TGFBI: variants seen among roughly 807,000 people sequenced by gnomAD.
The protein encoded by TGFBI is transforming growth factor-beta-induced protein ig-h3.
Under a neutral mutation model 73.7 loss-of-function variants are expected in TGFBI, and 50 were observed. That is an observed-to-expected ratio of 0.68 (90% confidence interval 0.54 to 0.86). TGFBI has a LOEUF of 0.86. Among genes scored for constraint, TGFBI ranks in the 40% least tolerant of loss-of-function variants. The pLI is 0.00. For synonymous variants in TGFBI, 362 were observed against 360.5 expected, an observed-to-expected ratio of 1.00 and a Z score of -0.05; for missense variants, 839 against 877.0, an observed-to-expected ratio of 0.96 and a Z score of 0.55.
intron 8 of TGFBI, 56 bp from the exon 9 acceptor site, chr5:136,053,887 A>G (rs1751580987): frequency 6.2e-7 from 1 of 1,605,556 alleles, no homozygotes; most frequent in Non-Finnish European, 8.5e-7. Flanking sequence ...GGGTGGATGA[A>G]TGATAAATGA....
intron 9 of TGFBI, 102 bp downstream of exon 9, chr5:136,054,182 T>G: frequency 1.4e-6 from 2 of 1,466,238 alleles, no homozygotes; most frequent in Non-Finnish European, 1.8e-6. Flanking sequence ...CCATGGGACA[T>G]TAGAACTTCC....
intron 7 of TGFBI, among the ~76,000 whole-genome samples, chr5:136,049,965 G>C (rs1440710155): frequency 6.6e-6 from 1 of 152,218 alleles, no homozygotes; most frequent in African/African-American, 2.4e-5. Context: ...CCTTGAAATG[G>C]ATTCCTCATG....
At position 136,054,090 on chromosome 5, in the gene TGFBI, G is replaced by A. The variant is rs761012840; in HGVS notation, c.1264+10G>A. The A allele has an allele frequency of 1.2e-6, 2 of 1,610,794 alleles. No homozygotes were observed. The highest frequency in any genetic ancestry group is 2.2e-5 in the East Asian group (1 of 44,778). Reference sequence around the variant, plus strand: ...AATTCTGTATTCAAAGGTAACATGGGGAAGGCATCCCTGTTAGATTGTCCC... The same window carrying A: ...AATTCTGTATTCAAAGGTAACATGGAGAAGGCATCCCTGTTAGATTGTCCC... On this transcript the variant is annotated intron_variant, in intron 9 of 16. Transcript: ENST00000442011.
At chr5:136,039,112 A>G (rs1016928961) in intron 2 of TGFBI, among the ~76,000 whole-genome samples, 1 of 152,240 alleles carries the variant, frequency 6.6e-6, no homozygotes, top group African/African-American at 2.4e-5. Flanking sequence ...AGATATTAAC[A>G]TAGTTTCAAC....
chr5:136,054,747 G>A lies in TGFBI; in HGVS notation c.1296G>A (p.Arg432=), dbSNP rs1561613349. The A allele has an allele frequency of 6.2e-7, 1 of 1,613,808 alleles. No homozygotes were observed. The highest frequency in any genetic ancestry group is 1.1e-5 in the South Asian group (1 of 91,082). ...DGTPPIDAHT[R]NLLRNHIIKD... ...CCCCTCCAATTGATGCCCATACAAG[G>A]AATTTGCTTCGGAACCACATAATTA... Residue 432 remains arginine, a synonymous_variant, in exon 10 of 17, where the codon AGG becomes AGA. Transcript: ENST00000442011.
chr5:136,031,816 C>T (rs1217076586), intron 1 of TGFBI, among the ~76,000 whole-genome samples: 2 of 152,136 alleles, frequency 1.3e-5, no homozygotes, highest in African/African-American at 4.8e-5. Flanking sequence ...CATGAACTTC[C>T]TATGTACACA....
rs1751747445 is a variant in TGFBI, at chr5:136,061,529, C to G, written c.1936C>G (p.Leu646Val). 1 of 1,611,180 alleles carries G rather than the reference C, an allele frequency of 6.2e-7. No individual in the cohort carries two copies. Among genetic ancestry groups the G allele is most frequent in the Non-Finnish European group, 8.5e-7 (1 of 1,178,770 alleles). Residue 646 changes from leucine (L) to valine (V), a missense_variant, in exon 15 of 17, where the codon CTT (leucine) becomes GTT (valine). Physicochemically the swap from Leu to Val is conservative, Grantham distance 32 (BLOSUM62 1). Transcript: ENST00000442011. ...CAGACCTCAGGAAAGAGGGGATGAACTTGCAGACTCTGCGCTTGAGATCTT... is the reference window on the plus strand; with the variant it reads ...CAGACCTCAGGAAAGAGGGGATGAAGTTGCAGACTCTGCGCTTGAGATCTT... The part of the protein sequence containing the change: ...ANRPQERGDE[L>V]ADSALEIFKQ...
rs866902307 is a variant in TGFBI at position 136,033,934 on chromosome 5, C to G, written c.233+73C>G. Reference sequence around the variant, plus strand: ...TGCAGTTCCCCAGGGCCTGGGCCAGCCTTCTAGAAGGTCAGGTTGCCTAAA... The same window carrying G: ...TGCAGTTCCCCAGGGCCTGGGCCAGGCTTCTAGAAGGTCAGGTTGCCTAAA... On this transcript the variant is annotated intron_variant, in intron 2 of 16. Transcript: ENST00000442011. 76 of 1,300,720 alleles carry G rather than the reference C, an allele frequency of 5.8e-5. No individual in the cohort carries two copies. In the Middle Eastern group the frequency reaches 1.1e-3, roughly 19 times the overall value. The allele number at this position is 1,300,720 out of a possible 1,614,324, so 80.6% of individuals were successfully genotyped here.
intron 2 of TGFBI, among the ~76,000 whole-genome samples, chr5:136,037,469 G>A (rs1751248333): frequency 6.6e-6 from 1 of 152,148 alleles, no homozygotes; most frequent in Non-Finnish European, 1.5e-5. Flanking sequence ...GGCTTCCTTT[G>A]TGCTAGCCCC....
intron 7 of TGFBI, among the ~76,000 whole-genome samples, chr5:136,050,318 C>A (rs377232562): frequency 6.4e-5 from 9 of 140,150 alleles, no homozygotes; most frequent in Non-Finnish European, 1.4e-4. Flanking sequence ...GGTGACACAG[C>A]GACACTCCGT....
chr5:136,038,378 T>C (rs937112706), intron 2 of TGFBI, among the ~76,000 whole-genome samples: 1 of 152,192 alleles, frequency 6.6e-6, no homozygotes, highest in Non-Finnish European at 1.5e-5. Context: ...GGAGAGATTA[T>C]CCAGGATTAT....
intron 7 of TGFBI, among the ~76,000 whole-genome samples, chr5:136,050,269 T>A (rs1393087005): frequency 6.6e-6 from 1 of 150,578 alleles, no homozygotes; most frequent in Admixed American, 6.6e-5. Flanking sequence ...GAGGTGGAGG[T>A]TGCAGTGAGC....
At chr5:136,049,941 G>A in intron 7 of TGFBI, 1 of 183,460 alleles carries the variant, frequency 5.5e-6, no homozygotes. Flanking sequence ...TGTGGGGGTG[G>A]CAGATACTGG....
At position 136,061,657 on chromosome 5, in the gene TGFBI, C is replaced by G. The variant is rs554126008; in HGVS notation, c.1986+78C>G. The G allele has an allele frequency of 1.7e-5, 21 of 1,213,976 alleles. No homozygotes were observed. The African/African-American group carries it at 2.4e-4, about 14-fold the overall frequency. The allele number at this position is 1,213,976 out of a possible 1,614,324, so 75.2% of individuals were successfully genotyped here. ...TTGGGCCATAGAGGAGCCTCTCCAGCCCCTGTCTTCCTTGGCTGCTCCCCA... is the reference window on the plus strand; with the variant it reads ...TTGGGCCATAGAGGAGCCTCTCCAGGCCCTGTCTTCCTTGGCTGCTCCCCA... On this transcript the variant is annotated intron_variant, in intron 15 of 16. Transcript: ENST00000442011.
chr5:136,049,087 G>C (rs1751486240), intron 6 of TGFBI: 1 of 225,298 alleles, frequency 4.4e-6, no homozygotes, highest in Admixed American at 5.0e-5. Flanking sequence ...GGGGTGGGAA[G>C]TGTGCCAAGT....
Position 136,054,704 on chromosome 5 carries a change from C to T in TGFBI, c.1265-12C>T. On this transcript the variant is annotated splice_polypyrimidine_tract_variant and intron_variant, in intron 9 of 16. Transcript: ENST00000442011. ...ACATCTCTCTGGACCTAACCATCAC[C>T]CTTTCTTGTAGATGGAACCCCTCCA... 1 of 1,613,942 alleles carries T rather than the reference C, an allele frequency of 6.2e-7. No homozygotes were observed. Among genetic ancestry groups the T allele is most frequent in the South Asian group, 1.1e-5 (1 of 91,080 alleles).
chr5:136,052,176 C>A (rs1247101795), intron 7 of TGFBI, among the ~76,000 whole-genome samples: 1 of 152,216 alleles, frequency 6.6e-6, no homozygotes, highest in Non-Finnish European at 1.5e-5. Flanking sequence ...GGGTCAGGAG[C>A]CCCCTTTGGG....
intron 6 of TGFBI, 60 bp from the exon 7 acceptor site, chr5:136,049,379 A>C (rs1353148090): frequency 3.8e-6 from 6 of 1,585,770 alleles, no homozygotes; most frequent in Non-Finnish European, 5.2e-6. Flanking sequence ...CTGTGTGTGC[A>C]TCTTCTGTGG....
At chr5:136,050,108 G>A (rs1366502212) in intron 7 of TGFBI, among the ~76,000 whole-genome samples, 2 of 152,142 alleles carry the variant, frequency 1.3e-5, no homozygotes, top group East Asian at 3.8e-4. Context: ...CAAGGTGGGC[G>A]GATCACCTGA....
Sources: gnomAD v4.1 joint callset for allele counts (sites outside exome capture counted in the v4.1 genomes callset) on GRCh38, gnomAD v4.1.1 for gene constraint, MANE v1.5 for transcripts, NCBI Gene and HGNC (gene_info 2026-07-23, HGNC 2026-07-21) for gene names.